The following RSPO2 variants were observed in gnomAD, a reference collection of about 807,000 sequenced individuals.
RSPO2 encodes R-spondin 2.
Under a neutral mutation model 30.9 loss-of-function variants are expected in RSPO2, and 14 were observed. The observed-to-expected ratio is 0.45, with a 90% CI of 0.30 to 0.71. The LOEUF (loss-of-function observed/expected upper bound fraction) is 0.71, where lower values mean the gene tolerates loss of function less well. Ranked by LOEUF, RSPO2 falls within the 30% of genes least tolerant of loss-of-function variation. The pLI is 0.08. For missense variants in RSPO2, 264 were observed against 301.9 expected (o/e 0.87, Z 0.93); for synonymous variants, 107 against 96.4 (o/e 1.11, Z -0.64).
At chr8:108,071,093 GT>G (rs747185781) in intron 2 of RSPO2, among the ~76,000 whole-genome samples, 1 of 152,098 alleles carries the variant, frequency 6.6e-6, no homozygotes, top group Non-Finnish European at 1.5e-5. Context: ...CTCCTGAACA[GT>G]TATTCATCTG....
At chr8:107,987,814 T>G (rs1156720192) in intron 3 of RSPO2, among the ~76,000 whole-genome samples, 1 of 152,208 alleles carries the variant, frequency 6.6e-6, no homozygotes, top group Non-Finnish European at 1.5e-5. Flanking sequence ...ATTCAAACTC[T>G]TCTCATCTAA....
intron 2 of RSPO2, among the ~76,000 whole-genome samples, chr8:108,029,054 CTTTT>C (rs71308771): frequency 1.6e-3 from 41 of 26,124 alleles, no homozygotes; most frequent in South Asian, 2.9e-3. Flanking sequence ...TAACATGAGT[CTTTT>C]TTTTTTTTTT....
chr8:108,022,022 T>C (rs865998247), intron 2 of RSPO2, among the ~76,000 whole-genome samples: 2 of 152,142 alleles, frequency 1.3e-5, no homozygotes, highest in South Asian at 4.1e-4. Context: ...ATGACTTCCA[T>C]AGGCCTTGGC....
rs781508079 is a variant in RSPO2, at chr8:107,958,284, A to G, written c.428-16T>C. 2 of 1,589,348 alleles carry G rather than the reference A, an allele frequency of 1.3e-6. No individual in the cohort carries two copies. The highest frequency in any genetic ancestry group is 1.7e-4 in the Middle Eastern group (1 of 5,938). On this transcript the variant is annotated splice_polypyrimidine_tract_variant and intron_variant, in intron 4 of 5. Coordinates refer to ENST00000276659, the MANE Select transcript of RSPO2 (RefSeq NM_178565.5). ...TCACATCCTTCTAGTAAAGATTTTT[A>G]GAAAAAGAAAAAAAAACACAAGCAC... is the stretch of plus-strand genomic sequence containing the variant.
At chr8:108,076,015 TAAG>T (rs1225342058) in intron 2 of RSPO2, among the ~76,000 whole-genome samples, 2 of 152,162 alleles carry the variant, frequency 1.3e-5, no homozygotes, top group Non-Finnish European at 2.9e-5. Flanking sequence ...AAGAGTCCTT[TAAG>T]AATAGCCCAG....
At chr8:107,964,551 C>T (rs1320214397) in intron 3 of RSPO2, among the ~76,000 whole-genome samples, 1 of 152,112 alleles carries the variant, frequency 6.6e-6, no homozygotes, top group Non-Finnish European at 1.5e-5. Flanking sequence ...TTTTTGAAAG[C>T]AAGCAGCACC....
intron 2 of RSPO2, among the ~76,000 whole-genome samples, chr8:108,022,921 C>T (rs80284906): frequency 7.4e-5 from 7 of 93,980 alleles, no homozygotes; most frequent in African/African-American, 3.0e-4. Flanking sequence ...ACAAAACTGT[C>T]AAAAAAAAAA....
At chr8:107,999,730 C>T (rs993021129) in intron 2 of RSPO2, among the ~76,000 whole-genome samples, 3 of 151,950 alleles carry the variant, frequency 2.0e-5, no homozygotes, top group Non-Finnish European at 4.4e-5. Flanking sequence ...CCACCGTGCC[C>T]AACCAAACCT....
chr8:108,062,302 A>T (rs190835327), intron 2 of RSPO2, among the ~76,000 whole-genome samples: 2 of 152,030 alleles, frequency 1.3e-5, no homozygotes, highest in East Asian at 3.9e-4. Flanking sequence ...AGACTAACAA[A>T]GAAGAAAAGA....
intron 5 of RSPO2, among the ~76,000 whole-genome samples, chr8:107,945,345 T>C (rs1586566713): frequency 7.0e-6 from 1 of 142,722 alleles, no homozygotes; most frequent in South Asian, 2.4e-4. Context: ...GCCTCCCGGG[T>C]TCATGCTATC....
intron 5 of RSPO2, among the ~76,000 whole-genome samples, chr8:107,931,532 T>C (rs1217861592): frequency 1.3e-5 from 2 of 152,036 alleles, no homozygotes; most frequent in African/African-American, 4.8e-5. Context: ...TACTAAAAAA[T>C]AGAAAAATAA....
At chr8:107,989,343 A>C in intron 2 of RSPO2, 99 bp from the exon 3 acceptor site, 1 of 733,782 alleles carries the variant, frequency 1.4e-6, no homozygotes. Context: ...TCTTTCTGCT[A>C]TACTCACATA....
At chr8:107,980,841 G>A (rs560590512) in intron 3 of RSPO2, among the ~76,000 whole-genome samples, 1 of 152,218 alleles carries the variant, frequency 6.6e-6, no homozygotes, top group East Asian at 1.9e-4. Context: ...TTCTATAACT[G>A]TGCAAAATAC....
Position 107,989,763 on chromosome 8 carries a change from T to C in RSPO2, c.95-519A>G, listed in dbSNP as rs568379426. Among the ~76,000 whole-genome samples, 135 of 152,268 alleles carry C rather than the reference T, an allele frequency of 8.9e-4. 1 individual carries two copies. The highest frequency in any genetic ancestry group is 2.8e-3 in the African/African-American group (116 of 41,562). On this transcript the variant is annotated intron_variant, in intron 2 of 5. Coordinates refer to ENST00000276659, the MANE Select transcript of RSPO2 (RefSeq NM_178565.5). ...GCTGGGATCCAAATCAAAATTATCATTGTAGCATGGGGGCTATATGATGTT... is the reference window on the plus strand; with the variant it reads ...GCTGGGATCCAAATCAAAATTATCACTGTAGCATGGGGGCTATATGATGTT...
At chr8:108,051,691 T>C (rs981065478) in intron 2 of RSPO2, among the ~76,000 whole-genome samples, 4 of 152,154 alleles carry the variant, frequency 2.6e-5, no homozygotes, top group Non-Finnish European at 5.9e-5. Flanking sequence ...GGAGAGGTAG[T>C]ATAAATCCAA....
intron 5 of RSPO2, among the ~76,000 whole-genome samples, chr8:107,920,931 G>A (rs1303875045): frequency 6.6e-6 from 1 of 152,102 alleles, no homozygotes; most frequent in Non-Finnish European, 1.5e-5. Flanking sequence ...GGTACAACCT[G>A]TCTGGAATGC....
chr8:108,018,067 CATA>C (rs1810950240), intron 2 of RSPO2, among the ~76,000 whole-genome samples: 1 of 152,078 alleles, frequency 6.6e-6, no homozygotes, highest in Admixed American at 6.5e-5. Context: ...AATTATTTTG[CATA>C]ATATTTTTAT....
chr8:108,051,222 T>C lies in RSPO2; in HGVS notation c.94+31323A>G, dbSNP rs145395398. Among the ~76,000 whole-genome samples the C allele has an allele frequency of 1.1e-3, 165 of 152,284 alleles. 3 individuals are homozygous for C. In the East Asian group the frequency reaches 0.026, roughly 24 times the overall value. On this transcript the variant is annotated intron_variant, in intron 2 of 5. Transcript: ENST00000276659. ...TTTTAAAAGCTCATCTAAATGTTAA[T>C]ATAGGATGCTTATTACTATAAAATA...
rs937974020 is a variant in RSPO2, at chr8:107,926,761, A to G, written c.617-25571T>C. 3.4e-4 allele frequency among the ~76,000 whole-genome samples: 51 copies of G among 151,904 alleles called. 1 individual carries two copies. Among genetic ancestry groups the G allele is most frequent in the Admixed American group, 1.2e-3 (19 of 15,222 alleles). On this transcript the variant is annotated intron_variant, in intron 5 of 5. Coordinates refer to ENST00000276659, the MANE Select transcript of RSPO2 (RefSeq NM_178565.5). ...TTCTGTTCCATTGGTCAATATCTCTATTTTGGTACCAGTACCATGCTGTTT... is the reference window on the plus strand; with the variant it reads ...TTCTGTTCCATTGGTCAATATCTCTGTTTTGGTACCAGTACCATGCTGTTT...
Sources: allele counts gnomAD v4.1 joint callset (sites outside exome capture counted in the v4.1 genomes callset), GRCh38; gene constraint gnomAD v4.1.1; transcripts MANE v1.5; gene names NCBI Gene and HGNC (gene_info 2026-07-23, HGNC 2026-07-21).